The following PRKACB variants were observed in gnomAD, a reference collection of about 807,000 sequenced individuals.
The protein encoded by PRKACB is cAMP-dependent protein kinase catalytic subunit beta.
Under a neutral mutation model 51.4 loss-of-function variants are expected in PRKACB, and 16 were observed. The observed-to-expected ratio is 0.31, with a 90% CI of 0.21 to 0.47. The LOEUF is 0.47. PRKACB is among the 20% of genes least tolerant of loss of function. The pLI is 1.00. For synonymous variants in PRKACB, 147 were observed against 154.4 expected (o/e 0.95, Z 0.35); for missense variants, 309 against 464.5 (o/e 0.67, Z 3.08).
At chr1:84,099,692 A>G (rs1056212991) in intron 1 of PRKACB, among the ~76,000 whole-genome samples, 1 of 152,166 alleles carries the variant, frequency 6.6e-6, no homozygotes, top group African/African-American at 2.4e-5. Context: ...AATATTCTCA[A>G]AGAAGCAATA....
At chr1:84,097,229 C>T (rs142118999) in intron 1 of PRKACB, among the ~76,000 whole-genome samples, 299 of 152,060 alleles carry the variant, frequency 2.0e-3, no homozygotes, top group Non-Finnish European at 3.4e-3. Flanking sequence ...TTTTCATACA[C>T]ACCTATACTC....
chr1:84,133,277 T>A (rs1652440822), intron 1 of PRKACB, among the ~76,000 whole-genome samples: 2 of 152,124 alleles, frequency 1.3e-5, no homozygotes, highest in African/African-American at 4.8e-5. Context: ...TATAATTATA[T>A]ATCTGTGAAA....
chr1:84,184,009 T>A (rs1664378643), intron 3 of PRKACB, 28 bp from the exon 4 acceptor site: 1 of 1,551,112 alleles, frequency 6.4e-7, no homozygotes, highest in Non-Finnish European at 8.7e-7. Flanking sequence ...CTTAAATACA[T>A]TAAGAGATAT....
intron 1 of PRKACB, among the ~76,000 whole-genome samples, chr1:84,093,720 A>T (rs1259598518): frequency 1.3e-5 from 2 of 152,004 alleles, no homozygotes; most frequent in African/African-American, 4.8e-5. Context: ...TGAATTTTTA[A>T]GTCCATTTAT....
At chr1:84,095,235 C>T (rs1328278909) in intron 1 of PRKACB, among the ~76,000 whole-genome samples, 1 of 145,010 alleles carries the variant, frequency 6.9e-6, no homozygotes, top group African/African-American at 2.5e-5. Flanking sequence ...TTATATTTAT[C>T]CCATATTTGC....
At chr1:84,110,418 G>A (rs1221463560) in intron 1 of PRKACB, among the ~76,000 whole-genome samples, 1 of 151,552 alleles carries the variant, frequency 6.6e-6, no homozygotes, top group African/African-American at 2.4e-5. Context: ...TTCCCATAAT[G>A]TTCAATTTCC....
At chr1:84,105,310 C>A (rs911778938) in intron 1 of PRKACB, among the ~76,000 whole-genome samples, 2 of 152,042 alleles carry the variant, frequency 1.3e-5, no homozygotes, top group Non-Finnish European at 2.9e-5. Flanking sequence ...TCATTTCCAC[C>A]CCCTTGTTAT....
intron 8 of PRKACB, among the ~76,000 whole-genome samples, chr1:84,208,346 A>T (rs1384490291): frequency 6.6e-6 from 1 of 152,264 alleles, no homozygotes; most frequent in Non-Finnish European, 1.5e-5. Flanking sequence ...CTCAATTCAG[A>T]GTGAATTTTA....
chr1:84,169,643 A>G (rs1189967685), intron 1 of PRKACB, among the ~76,000 whole-genome samples: 6 of 151,592 alleles, frequency 4.0e-5, no homozygotes. Context: ...TTACAAATTG[A>G]ATGGATAGCA....
chr1:84,224,545 C>T (rs1052348968), intron 9 of PRKACB, among the ~76,000 whole-genome samples: 1 of 152,158 alleles, frequency 6.6e-6, no homozygotes, highest in Admixed American at 6.5e-5. Flanking sequence ...TGGGCAGGCC[C>T]AGCCTCAGGC....
chr1:84,206,178 A>G (rs564938382), intron 8 of PRKACB, among the ~76,000 whole-genome samples: 2 of 152,330 alleles, frequency 1.3e-5, no homozygotes, highest in Non-Finnish European at 2.9e-5. Flanking sequence ...CTTAGCTTCA[A>G]CATATCTAAT....
chr1:84,175,198 TTTG>T, intron 1 of PRKACB: 3 of 827,152 alleles, frequency 3.6e-6, no homozygotes, highest in Non-Finnish European at 5.0e-6. Flanking sequence ...AAGGAAATAG[TTTG>T]TTTAGTTTTG....
rs1468344784 is a variant in PRKACB at position 84,165,085 on chromosome 1, A to C, written c.188-14092A>C. 8 of 1,226,682 alleles carry C rather than the reference A, an allele frequency of 6.5e-6. No individual in the cohort carries two copies. The East Asian group carries it at 1.8e-4, about 28-fold the overall frequency. The allele number at this position is 1,226,682 out of a possible 1,614,324, so 76.0% of individuals were successfully genotyped here. A position where few individuals can be genotyped will look rare whatever the true frequency, so the allele number is the denominator to read the frequency against. ...ATTTATAAGAGGAAAAAATATTTTT[A>C]AAGGGACAGTTATAAAGCCACAGCT... On this transcript the variant is annotated intron_variant, in intron 1 of 9. Coordinates refer to ENST00000370685, the MANE Select transcript of PRKACB (RefSeq NM_182948.4).
At chr1:84,101,682 C>A (rs1203092039) in intron 1 of PRKACB, among the ~76,000 whole-genome samples, 1 of 152,090 alleles carries the variant, frequency 6.6e-6, no homozygotes. Context: ...AAATCAAAGG[C>A]AAGAAGATGG....
chr1:84,200,997 A>T (rs1669948452), intron 7 of PRKACB, among the ~76,000 whole-genome samples: 1 of 152,138 alleles, frequency 6.6e-6, no homozygotes, highest in South Asian at 2.1e-4. Context: ...ATTATTATAA[A>T]TAACTATGAT....
At chr1:84,091,970 G>T (rs1052840713) in intron 1 of PRKACB, among the ~76,000 whole-genome samples, 4 of 152,102 alleles carry the variant, frequency 2.6e-5, no homozygotes, top group African/African-American at 9.7e-5. Context: ...GAGGTAGAGT[G>T]GGCAGAAGGA....
chr1:84,234,457 C>A (rs1367245317), intron 9 of PRKACB, among the ~76,000 whole-genome samples: 1 of 152,186 alleles, frequency 6.6e-6, no homozygotes, highest in Non-Finnish European at 1.5e-5. Flanking sequence ...TCGAGCTTCC[C>A]AGCTGCTTTG....
intron 1 of PRKACB, among the ~76,000 whole-genome samples, chr1:84,175,491 T>C (rs1660925634): frequency 6.6e-6 from 1 of 151,770 alleles, no homozygotes. Context: ...GTCAAAAATA[T>C]CTAATAAATA....
At chr1:84,123,729 T>C (rs952443167) in intron 1 of PRKACB, among the ~76,000 whole-genome samples, 2 of 152,148 alleles carry the variant, frequency 1.3e-5, no homozygotes, top group Admixed American at 6.5e-5. Context: ...AATATAAAGG[T>C]AGATTGTTGT....
Sources: allele counts gnomAD v4.1 joint callset (sites outside exome capture counted in the v4.1 genomes callset), GRCh38; gene constraint gnomAD v4.1.1; transcripts MANE v1.5; gene names NCBI Gene and HGNC (gene_info 2026-07-23, HGNC 2026-07-21).